Variants in CSNK1G1 observed in about 807,000 individuals in gnomAD.
CSNK1G1 encodes casein kinase 1 gamma 1.
In CSNK1G1, 22 loss-of-function variants were observed where a neutral mutation model predicts 59.6. The observed-to-expected ratio is 0.37, with a 90% CI of 0.26 to 0.53. The LOEUF is 0.53. Among genes scored for constraint, CSNK1G1 ranks in the 20% least tolerant of loss-of-function variants. The probability of loss-of-function intolerance (pLI) is 0.89; values close to 1 mark genes in which losing one functional copy is unlikely to be tolerated. For missense variants in CSNK1G1, 384 were observed against 519.5 expected, an observed-to-expected ratio of 0.74 and a Z score of 2.54; for synonymous variants, 179 against 177.1, an observed-to-expected ratio of 1.01 and a Z score of -0.08.
intron 2 of CSNK1G1, among the ~76,000 whole-genome samples, chr15:64,288,839 T>C (rs1481870908): frequency 6.6e-6 from 1 of 152,078 alleles, no homozygotes; most frequent in African/African-American, 2.4e-5. Context: ...CATCTTTCTA[T>C]AAACTTCTGT....
intron 1 of CSNK1G1, among the ~76,000 whole-genome samples, chr15:64,330,389 G>A (rs1897057883): frequency 6.6e-6 from 1 of 151,500 alleles, no homozygotes; most frequent in Non-Finnish European, 1.5e-5. Flanking sequence ...AGCAATAAAT[G>A]CAATCCAGCA....
chr15:64,295,746 T>C (rs569227498), intron 2 of CSNK1G1, among the ~76,000 whole-genome samples: 2 of 152,352 alleles, frequency 1.3e-5, no homozygotes, highest in South Asian at 4.1e-4. Flanking sequence ...AATCTTACAA[T>C]ACAACCCGAA....
intron 10 of CSNK1G1, chr15:64,189,593 T>C (rs2081942526): frequency 1.6e-5 from 8 of 490,778 alleles, no homozygotes; most frequent in African/African-American, 2.1e-5. Flanking sequence ...ATATTGCTGC[T>C]CTGCATGAAA....
chr15:64,305,856 T>C (rs958446489), intron 1 of CSNK1G1, among the ~76,000 whole-genome samples: 1 of 151,664 alleles, frequency 6.6e-6, no homozygotes, highest in Non-Finnish European at 1.5e-5. Context: ...ATACCAATCT[T>C]TGACAAAGGA....
At chr15:64,301,562 T>C (rs1231005245) in intron 1 of CSNK1G1, among the ~76,000 whole-genome samples, 1 of 152,148 alleles carries the variant, frequency 6.6e-6, no homozygotes, top group Non-Finnish European at 1.5e-5. Context: ...CACACTTATA[T>C]TTCACTTTCA....
At chr15:64,315,013 A>C (rs1043683454) in intron 1 of CSNK1G1, among the ~76,000 whole-genome samples, 4 of 152,218 alleles carry the variant, frequency 2.6e-5, no homozygotes, top group Non-Finnish European at 5.9e-5. Flanking sequence ...TTGCTGGATC[A>C]TGTAGTAATT....
At chr15:64,245,337 T>C (rs1034560627) in intron 4 of CSNK1G1, among the ~76,000 whole-genome samples, 1 of 152,104 alleles carries the variant, frequency 6.6e-6, no homozygotes, top group Non-Finnish European at 1.5e-5. Flanking sequence ...AAATATAATA[T>C]ATGCAAACCA....
At chr15:64,182,090 G>A (rs2081825601) in intron 10 of CSNK1G1, among the ~76,000 whole-genome samples, 1 of 119,438 alleles carries the variant, frequency 8.4e-6, no homozygotes, top group Non-Finnish European at 1.6e-5. Context: ...GAGAGAGAGA[G>A]TCTTGCTCTG....
intron 2 of CSNK1G1, among the ~76,000 whole-genome samples, chr15:64,264,179 G>A (rs1325190361): frequency 1.3e-5 from 2 of 152,062 alleles, no homozygotes; most frequent in Admixed American, 1.3e-4. Context: ...TTCATTCTTC[G>A]GTTTGCTGTG....
At chr15:64,288,132 A>AT (rs1221425440) in intron 2 of CSNK1G1, among the ~76,000 whole-genome samples, 2 of 152,234 alleles carry the variant, frequency 1.3e-5, no homozygotes, top group East Asian at 1.9e-4. Context: ...ATAACTAAGA[A>AT]TTTTTTTTAA....
At chr15:64,186,928 T>A (rs552324886) in intron 10 of CSNK1G1, among the ~76,000 whole-genome samples, 1 of 148,604 alleles carries the variant, frequency 6.7e-6, no homozygotes, top group Admixed American at 6.7e-5. Context: ...GGTTCAAGCG[T>A]TCTCCTGCCT....
At chr15:64,330,437 T>C (rs1299297586) in intron 1 of CSNK1G1, among the ~76,000 whole-genome samples, 1 of 150,586 alleles carries the variant, frequency 6.6e-6, no homozygotes, top group Non-Finnish European at 1.5e-5. Context: ...CATGATTATC[T>C]CAATAGATGC....
At chr15:64,254,607 C>A (rs893488073) in intron 3 of CSNK1G1, among the ~76,000 whole-genome samples, 8 of 152,160 alleles carry the variant, frequency 5.3e-5, no homozygotes, top group African/African-American at 1.9e-4. Context: ...CTGCCTTGGC[C>A]TCCCAAAGTG....
intron 2 of CSNK1G1, among the ~76,000 whole-genome samples, chr15:64,283,895 A>T (rs1894273239): frequency 6.6e-6 from 1 of 152,202 alleles, no homozygotes; most frequent in Non-Finnish European, 1.5e-5. Flanking sequence ...ATCATAACTA[A>T]GAATCCACTG....
At chr15:64,250,074 A>G (rs1891991311) in intron 4 of CSNK1G1, among the ~76,000 whole-genome samples, 1 of 152,166 alleles carries the variant, frequency 6.6e-6, no homozygotes, top group African/African-American at 2.4e-5. Context: ...AACTTATGAA[A>G]CCTAGAATAA....
chr15:64,308,362 G>A (rs1895801736), intron 1 of CSNK1G1, among the ~76,000 whole-genome samples: 2 of 152,128 alleles, frequency 1.3e-5, no homozygotes, highest in South Asian at 4.1e-4. Flanking sequence ...GCCTCCCACA[G>A]TGTTGGGATT....
chr15:64,209,794 ATACTGTATCACACC>A (rs1422674919), intron 6 of CSNK1G1, among the ~76,000 whole-genome samples: 1 of 152,202 alleles, frequency 6.6e-6, no homozygotes, highest in African/African-American at 2.4e-5. Flanking sequence ...GCAGTTTCTC[ATACTGTATCACACC>A]TACTCATTGC....
intron 1 of CSNK1G1, among the ~76,000 whole-genome samples, chr15:64,338,700 CAAAAAAAAAA>C (rs34206192): frequency 0.019 from 590 of 31,514 alleles, 11 homozygotes; most frequent in African/African-American, 0.068. Flanking sequence ...AACTCGGTCT[CAAAAAAAAAA>C]AAAAAAAAAA....
At chr15:64,274,347 G>C (rs1893489916) in intron 2 of CSNK1G1, among the ~76,000 whole-genome samples, 1 of 152,080 alleles carries the variant, frequency 6.6e-6, no homozygotes, top group South Asian at 2.1e-4. Context: ...TTTTGCTCCA[G>C]ATGAATTTAA....
Sources: gnomAD v4.1 joint callset for allele counts (sites outside exome capture counted in the v4.1 genomes callset) on GRCh38, gnomAD v4.1.1 for gene constraint, MANE v1.5 for transcripts, NCBI Gene and HGNC (gene_info 2026-07-23, HGNC 2026-07-21) for gene names.